CSN1S1: variants seen among roughly 807,000 people sequenced by gnomAD.
The protein encoded by CSN1S1 is alpha-S1-casein.
A neutral mutation model predicts 49.1 loss-of-function variants in CSN1S1; 63 were observed. That is an observed-to-expected ratio of 1.28 (90% CI 1.05 to 1.58). The LOEUF (loss-of-function observed/expected upper bound fraction) is 1.58, where lower values mean the gene tolerates loss of function less well. Among genes scored for constraint, CSN1S1 ranks in the 40% most tolerant of loss-of-function variants. The pLI is 0.00. For synonymous variants in CSN1S1, 78 were observed against 67.1 expected, an observed-to-expected ratio of 1.16 and a Z score of -0.79; for missense variants, 260 against 224.7, an observed-to-expected ratio of 1.16 and a Z score of -1.01.
rs1396042456 is a variant in CSN1S1, at chr4:69,936,477, A to G, written c.151A>G (p.Arg51Gly). 2 of 1,571,418 alleles carry G rather than the reference A, an allele frequency of 1.3e-6. No homozygotes were observed. The highest frequency in any genetic ancestry group is 1.1e-5 in the South Asian group (1 of 89,150). ...TAAGGAATACATGAATGGTATGAAC[A>G]GGGTAAGAAACATCAATGAAATTTA... ...SREEYMNGMNRQRNILREKQT... is the reference protein window; with the variant it reads ...SREEYMNGMNGQRNILREKQT... The change falls in exon 6 of 16, where the codon AGG becomes GGG. Residue 51 changes from arginine to glycine, a missense_variant and splice_region_variant. Transcript: ENST00000246891.
chr4:69,941,842 A>C (rs1434073423), intron 12 of CSN1S1, among the ~76,000 whole-genome samples: 1 of 151,878 alleles, frequency 6.6e-6, no homozygotes, highest in African/African-American at 2.4e-5. Flanking sequence ...AATATATTTT[A>C]GTACCATAGA....
At chr4:69,945,342 A>G (rs1388907452) in intron 15 of CSN1S1, among the ~76,000 whole-genome samples, 1 of 152,024 alleles carries the variant, frequency 6.6e-6, no homozygotes, top group Non-Finnish European at 1.5e-5. Context: ...TAATCTTTAA[A>G]TGACTTCCTT....
chr4:69,943,800 C>T (rs1723060842), intron 14 of CSN1S1, among the ~76,000 whole-genome samples: 3 of 151,966 alleles, frequency 2.0e-5, no homozygotes, highest in Admixed American at 1.3e-4. Flanking sequence ...GGGTCAAACT[C>T]AGTCAAAACA....
At chr4:69,941,852 A>G (rs1290425220) in intron 12 of CSN1S1, among the ~76,000 whole-genome samples, 194 bp from the exon 13 acceptor site, 1 of 151,876 alleles carries the variant, frequency 6.6e-6, no homozygotes, top group African/African-American at 2.4e-5. Context: ...AGTACCATAG[A>G]TATGATATGG....
intron 4 of CSN1S1, among the ~76,000 whole-genome samples, chr4:69,934,999 A>C (rs1722724600): frequency 6.6e-6 from 1 of 152,086 alleles, no homozygotes; most frequent in South Asian, 2.1e-4. Context: ...TAAAACTAAA[A>C]CTAATTATTT....
At chr4:69,937,975 T>C (rs1399165897) in intron 9 of CSN1S1, among the ~76,000 whole-genome samples, 152 bp downstream of exon 9, 1 of 151,888 alleles carries the variant, frequency 6.6e-6, no homozygotes, top group Non-Finnish European at 1.5e-5. Context: ...ATTAATCCTA[T>C]TCTAATTTTA....
intron 15 of CSN1S1, 100 bp downstream of exon 15, chr4:69,945,104 G>C: frequency 8.2e-7 from 1 of 1,219,862 alleles, no homozygotes; most frequent in Non-Finnish European, 1.2e-6. Flanking sequence ...ATTAAACATG[G>C]CAAATCAATG....
chr4:69,943,760 G>A (rs1443235345), intron 14 of CSN1S1, among the ~76,000 whole-genome samples: 2 of 151,980 alleles, frequency 1.3e-5, no homozygotes, highest in African/African-American at 4.8e-5. Context: ...TCATCCCATG[G>A]TGGAAGAGCA....
chr4:69,932,500 A>T, intron 1 of CSN1S1, 44 bp from the exon 2 acceptor site: 1 of 1,507,316 alleles, frequency 6.6e-7, no homozygotes, highest in South Asian at 1.2e-5. Flanking sequence ...AAACAAATTT[A>T]ACGTAATAAT....
At chr4:69,938,301 G>A (rs1423079852) in intron 9 of CSN1S1, among the ~76,000 whole-genome samples, 1 of 151,552 alleles carries the variant, frequency 6.6e-6, no homozygotes, top group African/African-American at 2.4e-5. Flanking sequence ...GGTATAGGTT[G>A]GTGCAAAAGT....
At position 69,932,534 on chromosome 4, in the gene CSN1S1, T is replaced by A. The variant is rs1203341483; in HGVS notation, c.-12-10T>A. 1.9e-6 allele frequency: 3 copies of A among 1,591,362 alleles called. No homozygotes were observed. The African/African-American group carries it at 4.0e-5, about 21-fold the overall frequency. ...ATATCTAACTCTTTCTTTTTTGTTC[T>A]CTTACATAGGCTCTGATAACCATGA... On this transcript the variant is annotated splice_polypyrimidine_tract_variant and intron_variant, in intron 1 of 15. Transcript: ENST00000246891.
In CSN1S1 at chr4:69,936,478, G is replaced by A. The variant is rs759240450; in HGVS notation, c.152G>A (p.Arg51Lys). The A allele has an allele frequency of 5.7e-6, 9 of 1,573,466 alleles. No individual in the cohort carries two copies. The highest frequency in any genetic ancestry group is 5.6e-5 in the South Asian group (5 of 89,456). Residue 51 changes from arginine to lysine, a missense_variant and splice_region_variant, in exon 6 of 16, where the codon AGG (arginine) becomes AAG (lysine). By Grantham distance (26) the Arg-to-Lys change is conservative. Transcript: ENST00000246891. ...AAGGAATACATGAATGGTATGAACA[G>A]GGTAAGAAACATCAATGAAATTTAA... Reference protein sequence around the residue: ...SREEYMNGMNRQRNILREKQT... With the variant: ...SREEYMNGMNKQRNILREKQT...
chr4:69,937,219 T>G, intron 8 of CSN1S1, 75 bp downstream of exon 8: 1 of 1,076,160 alleles, frequency 9.3e-7, no homozygotes. Context: ...AAATAAATTA[T>G]TATTTTAAAT....
intron 14 of CSN1S1, among the ~76,000 whole-genome samples, chr4:69,943,998 T>C (rs1048343371): frequency 6.6e-6 from 1 of 151,972 alleles, no homozygotes; most frequent in African/African-American, 2.4e-5. Flanking sequence ...TTTCTGTCTG[T>C]CTGTCTGTCT....
chr4:69,932,586 G>A lies in CSN1S1; in HGVS notation c.31G>A (p.Ala11Thr), dbSNP rs1270443912. 4.4e-6 allele frequency: 7 copies of A among 1,602,476 alleles called. No homozygotes were observed. The East Asian group carries it at 1.6e-4, about 36-fold the overall frequency. The change falls in exon 2 of 16, where the codon GCT (alanine) becomes ACT (threonine). Residue 11 changes from alanine (A) to threonine (T), a missense_variant. Transcript: ENST00000246891. MRLLILTCLV[A>T]VALARPKLPL... ...GCTTCTCATTCTCACCTGTCTTGTG[G>A]CTGTTGCTCTTGCCAGGCCTGTAAG...
intron 15 of CSN1S1, among the ~76,000 whole-genome samples, chr4:69,945,711 A>G (rs532865922): frequency 2.0e-5 from 3 of 152,106 alleles, no homozygotes; most frequent in East Asian, 3.9e-4. Flanking sequence ...GTATCTAACC[A>G]TTGATCTTAT....
intron 3 of CSN1S1, 68 bp from the exon 4 acceptor site, chr4:69,934,622 G>A (rs745963153): frequency 2.0e-5 from 29 of 1,436,142 alleles, no homozygotes; most frequent in Non-Finnish European, 2.8e-5. Context: ...CTTTCTATGA[G>A]CACAACTAAT....
chr4:69,931,996 A>G (rs752096015), intron 1 of CSN1S1, among the ~76,000 whole-genome samples: 2 of 151,940 alleles, frequency 1.3e-5, no homozygotes, highest in Admixed American at 6.6e-5. Flanking sequence ...TTAAAAATTG[A>G]AAGAGATCAA....
At chr4:69,942,495 A>T in intron 13 of CSN1S1, 41 bp from the exon 14 acceptor site, 1 of 1,481,038 alleles carries the variant, frequency 6.8e-7, no homozygotes, top group Non-Finnish European at 9.3e-7. Context: ...GTTGTACCAG[A>T]AGATGTCTAA....
Sources: gnomAD v4.1 joint callset for allele counts (sites outside exome capture counted in the v4.1 genomes callset) on GRCh38, gnomAD v4.1.1 for gene constraint, MANE v1.5 for transcripts, NCBI Gene and HGNC (gene_info 2026-07-23, HGNC 2026-07-21) for gene names.